Variants in WNK2 observed in about 807,000 individuals in gnomAD.
The protein encoded by WNK2 is WNK lysine deficient protein kinase 2.
Under a neutral mutation model 192.1 loss-of-function variants are expected in WNK2, and 67 were observed. The observed-to-expected ratio is 0.35, with a 90% CI of 0.29 to 0.43. WNK2 has a LOEUF of 0.43. Among genes scored for constraint, WNK2 ranks in the 20% least tolerant of loss-of-function variants. WNK2 has a pLI of 1.00. For missense variants in WNK2, 2,698 were observed against 3,089.7 expected, an observed-to-expected ratio of 0.87 and a Z score of 3.01; for synonymous variants, 1,439 against 1,393.9, an observed-to-expected ratio of 1.03 and a Z score of -0.72.
At position 93,259,494 on chromosome 9, in the gene WNK2, G is replaced by T. The variant is rs180958907; in HGVS notation, c.2946G>T (p.Pro982=). ...GGCCCCCTCAACCTGTGCTGCCCCCGCAACCCATGCTGCCCCCACAACCTG... is the reference window on the plus strand; with the variant it reads ...GGCCCCCTCAACCTGTGCTGCCCCCTCAACCCATGCTGCCCCCACAACCTG... ...PTRPPQPVLP[P]QPMLPPQPVL... Residue 982 remains proline (P), a synonymous_variant, in exon 12 of 30, where the codon CCG becomes CCT. Coordinates refer to ENST00000427277, the MANE Select transcript of WNK2 (RefSeq NM_006648.4). This position sits in a 1 kb window ranked among gnomAD's most constrained non-coding sequence, Gnocchi z 4.8. The T allele has an allele frequency of 3.0e-6, 4 of 1,317,774 alleles. No homozygotes were observed. The highest frequency in any genetic ancestry group is 4.1e-6 in the Non-Finnish European group (4 of 982,642). The allele number at this position is 1,317,774 out of a possible 1,614,324, so 81.6% of individuals were successfully genotyped here.
intron 2 of WNK2, among the ~76,000 whole-genome samples, chr9:93,191,471 T>A (rs1457449749): frequency 6.6e-6 from 1 of 151,860 alleles, no homozygotes; most frequent in African/African-American, 2.4e-5. Flanking sequence ...TGGAAATGTA[T>A]TGGGCAGGTT....
In WNK2 at chr9:93,292,815, G is replaced by A. The variant is rs553242967; in HGVS notation, c.5350G>A (p.Val1784Met). Residue 1784 changes from valine to methionine, a missense_variant, in exon 23 of 30, where the codon GTG becomes ATG. Physicochemically the swap from Val to Met is conservative, Grantham distance 21 (BLOSUM62 1). Coordinates refer to ENST00000427277, the MANE Select transcript of WNK2 (RefSeq NM_006648.4). ...YLDEAPSSPDVKLAVRRAQTA... is the reference protein window; with the variant it reads ...YLDEAPSSPDMKLAVRRAQTA... ...GGACGAGGCCCCCTCCAGCCCCGAC[G>A]TGAAGCTGGCAGTGCGGCGGGCGCA... 1.9e-4 allele frequency: 297 copies of A among 1,534,390 alleles called. 2 individuals carry two copies. The East Asian group carries it at 6.0e-3, about 31-fold the overall frequency.
intron 27 of WNK2, chr9:93,307,860 G>A (rs1852879732): frequency 6.4e-6 from 1 of 156,880 alleles, no homozygotes; most frequent in African/African-American, 2.4e-5. Context: ...TGTGTGCTGA[G>A]CGCTCTGCAC....
chr9:93,287,734 T>C (rs950661021), intron 19 of WNK2, among the ~76,000 whole-genome samples: 8 of 152,300 alleles, frequency 5.3e-5, no homozygotes, highest in African/African-American at 1.9e-4. Context: ...AACAGTTTTC[T>C]TTTTTTGTGT....
At chr9:93,194,032 G>A (rs1030501117) in intron 2 of WNK2, among the ~76,000 whole-genome samples, 3 of 152,156 alleles carry the variant, frequency 2.0e-5, no homozygotes, top group African/African-American at 4.8e-5. Context: ...AACAAATGGC[G>A]CTGGAACAAC....
intron 19 of WNK2, among the ~76,000 whole-genome samples, chr9:93,287,572 G>C (rs989028912): frequency 6.6e-6 from 1 of 152,172 alleles, no homozygotes; most frequent in Non-Finnish European, 1.5e-5. Context: ...ACAGACGAAC[G>C]GTAAGGCCGG....
intron 2 of WNK2, among the ~76,000 whole-genome samples, chr9:93,211,811 A>G (rs1229303454): frequency 1.3e-5 from 2 of 151,408 alleles, no homozygotes; most frequent in Non-Finnish European, 2.9e-5. Context: ...TTTTTGGTCC[A>G]CTTATTCACT....
intron 2 of WNK2, among the ~76,000 whole-genome samples, chr9:93,214,385 C>T (rs971183665): frequency 6.6e-6 from 1 of 151,956 alleles, no homozygotes; most frequent in Admixed American, 6.6e-5. Flanking sequence ...CTCACAGCAA[C>T]CTCTGCCTCC....
intron 21 of WNK2, 94 bp from the exon 22 acceptor site, chr9:93,292,214 A>G (rs552247774): frequency 1.4e-4 from 193 of 1,333,746 alleles, no homozygotes; most frequent in South Asian, 4.4e-4. Context: ...AGGCACTCCC[A>G]TGGGATCACT....
At chr9:93,291,506 A>T (rs1849344259) in intron 21 of WNK2, among the ~76,000 whole-genome samples, 2 of 152,074 alleles carry the variant, frequency 1.3e-5, no homozygotes, top group Admixed American at 1.3e-4. Flanking sequence ...AGATATGAGG[A>T]GGGGAGTCAG....
intron 7 of WNK2, among the ~76,000 whole-genome samples, chr9:93,240,774 A>G (rs1840635808): frequency 6.6e-6 from 1 of 152,150 alleles, no homozygotes; most frequent in Non-Finnish European, 1.5e-5. Flanking sequence ...TTCTGACTTG[A>G]TTCTCAGGTC....
chr9:93,199,624 T>C lies in WNK2; in HGVS notation c.681+14014T>C, dbSNP rs148500762. Among the ~76,000 whole-genome samples the C allele has an allele frequency of 3.1e-3, 474 of 151,928 alleles. 4 individuals carry two copies. The highest frequency in any genetic ancestry group is 0.017 in the Middle Eastern group (5 of 294). On this transcript the variant is annotated intron_variant, in intron 2 of 29. Coordinates refer to ENST00000427277, the MANE Select transcript of WNK2 (RefSeq NM_006648.4). The stretch of plus-strand genomic sequence containing the variant: ...TGAAAACACAAAGCTGTGGGCCGGG[T>C]GCGGTGGCTCAGGCCTGTAATCCCA...
intron 26 of WNK2, among the ~76,000 whole-genome samples, chr9:93,302,855 G>T (rs2134141757): frequency 6.6e-6 from 1 of 152,252 alleles, no homozygotes; most frequent in Non-Finnish European, 1.5e-5. Context: ...CACCCAGCTT[G>T]CAGATGCCCC....
intron 26 of WNK2, among the ~76,000 whole-genome samples, chr9:93,305,434 C>A (rs1271135272): frequency 6.6e-6 from 1 of 152,210 alleles, no homozygotes; most frequent in Non-Finnish European, 1.5e-5. Flanking sequence ...CAGAACAGAG[C>A]AGCCAGGGAA....
chr9:93,205,628 C>T (rs1017746313), intron 2 of WNK2, among the ~76,000 whole-genome samples: 4 of 152,382 alleles, frequency 2.6e-5, no homozygotes, highest in South Asian at 2.1e-4. Context: ...AGCTGGCGCC[C>T]GCTCAGCCTC....
chr9:93,307,224 C>CCT (rs958299345), intron 27 of WNK2: 21 of 187,790 alleles, frequency 1.1e-4, no homozygotes, highest in South Asian at 2.9e-4. Flanking sequence ...GGGCCACTCA[C>CCT]CTCTCTCTCT....
At chr9:93,284,092 A>C (rs937687376) in intron 19 of WNK2, among the ~76,000 whole-genome samples, 18 of 151,820 alleles carry the variant, frequency 1.2e-4, no homozygotes, top group African/African-American at 4.4e-4. Flanking sequence ...AGGGGGAAAA[A>C]CCCTTCCTAT....
chr9:93,299,601 C>A (rs949933881), intron 25 of WNK2, among the ~76,000 whole-genome samples: 1 of 152,114 alleles, frequency 6.6e-6, no homozygotes, highest in African/African-American at 2.4e-5. Context: ...TGCCCCACCC[C>A]CACCCCCACA....
intron 1 of WNK2, among the ~76,000 whole-genome samples, chr9:93,184,643 G>A (rs1828932953): frequency 6.6e-6 from 1 of 151,702 alleles, no homozygotes; most frequent in Admixed American, 6.5e-5. Flanking sequence ...GGCCCTCAGG[G>A]ACACCCTAGC....
Sources: allele counts gnomAD v4.1 joint callset (sites outside exome capture counted in the v4.1 genomes callset), GRCh38; gene constraint gnomAD v4.1.1; non-coding constraint Gnocchi (gnomAD v3.1); transcripts MANE v1.5; gene names NCBI Gene and HGNC (gene_info 2026-07-23, HGNC 2026-07-21).